Variants in STAM2 observed in about 807,000 individuals in gnomAD.
STAM2 encodes the protein signal transducing adapter molecule 2.
In STAM2, 51 loss-of-function variants were observed where a neutral mutation model predicts 65.6. The ratio of observed to expected loss-of-function variants is 0.78; its 90% CI spans 0.62 to 0.98. The LOEUF (loss-of-function observed/expected upper bound fraction) is 0.98, where lower values mean the gene tolerates loss of function less well. STAM2 is among the 50% of genes least tolerant of loss of function. STAM2 has a pLI of 0.00. For synonymous variants in STAM2, 198 were observed against 208.4 expected (o/e 0.95, Z 0.43); for missense variants, 584 against 617.8 (o/e 0.95, Z 0.58).
At chr2:152,149,206 A>T (rs1336454608) in intron 2 of STAM2, among the ~76,000 whole-genome samples, 1 of 152,200 alleles carries the variant, frequency 6.6e-6, no homozygotes, top group African/African-American at 2.4e-5. Flanking sequence ...CCATACATAT[A>T]GAAGTCCCAG....
At chr2:152,146,196 G>A (rs568429977) in intron 5 of STAM2, among the ~76,000 whole-genome samples, 6 of 150,574 alleles carry the variant, frequency 4.0e-5, no homozygotes, top group African/African-American at 9.8e-5. Flanking sequence ...GCTTAAACCC[G>A]GGAGACAGAG....
intron 7 of STAM2, 59 bp from the exon 8 acceptor site, chr2:152,135,662 G>T: frequency 8.8e-7 from 1 of 1,141,214 alleles, no homozygotes; most frequent in Non-Finnish European, 1.3e-6. Context: ...AATAAGCAAA[G>T]ATGAATTAAA....
chr2:152,152,893 G>C (rs1689472761), intron 1 of STAM2, among the ~76,000 whole-genome samples: 2 of 152,196 alleles, frequency 1.3e-5, no homozygotes, highest in African/African-American at 4.8e-5. Context: ...ACTTGAGGGG[G>C]GCTCAAAAGA....
Position 152,126,253 on chromosome 2 carries a change from TG to T in STAM2, c.1151del (p.Pro384HisfsTer29), listed in dbSNP as rs1560209760. On this transcript the variant is annotated frameshift_variant, in exon 12 of 14. Transcript: ENST00000263904. LOFTEE classifies it high-confidence loss of function. ...YSKLHPPAHY[P>X]PASSGVPMQT... Reference sequence around the variant, plus strand: ...GCATTGGAACCCCAGATGATGCAGGTGGGTAATGTGCTGGAGGGTGGAGCTT... The same window carrying T: ...GCATTGGAACCCCAGATGATGCAGGTGGTAATGTGCTGGAGGGTGGAGCTT... The T allele has an allele frequency of 6.2e-7, 1 of 1,602,158 alleles. No homozygotes were observed. The highest frequency in any genetic ancestry group is 1.1e-5 in the South Asian group (1 of 88,972).
chr2:152,173,335 CGTGT>C (rs958523681), intron 1 of STAM2, among the ~76,000 whole-genome samples: 14 of 146,050 alleles, frequency 9.6e-5, no homozygotes, highest in African/African-American at 2.0e-4. Flanking sequence ...TTTGTGTATG[CGTGT>C]GTGTCTGTGG....
rs754715220 is a variant in STAM2, at chr2:152,131,978, T to C, written c.1025+136A>G. On this transcript the variant is annotated intron_variant, in intron 11 of 13. Transcript: ENST00000263904. ...AAAGCACCACCTTGCTATAAATTTG[T>C]TAAAAGCCTGGGAAACTGAAAAACA... The C allele has an allele frequency of 1.2e-5, 7 of 603,332 alleles. No individual in the cohort carries two copies. In the Admixed American group the frequency reaches 1.3e-4, roughly 12 times the overall value. 37.4% of individuals were successfully genotyped at this position (603,332 alleles called of 1,614,324 possible).
At chr2:152,173,407 T>TA (rs1399231855) in intron 1 of STAM2, among the ~76,000 whole-genome samples, 1 of 147,670 alleles carries the variant, frequency 6.8e-6, no homozygotes, top group Non-Finnish European at 1.5e-5. Context: ...TATATATATA[T>TA]TTTTTTTCGA....
Position 152,126,256 on chromosome 2 carries a change from G to GTAATGTGC in STAM2, c.1141_1148dup (p.Tyr383Ter). The stretch of plus-strand genomic sequence containing the variant: ...TTGGAACCCCAGATGATGCAGGTGG[G>GTAATGTGC]TAATGTGCTGGAGGGTGGAGCTTTG... On this transcript the variant is annotated stop_gained and frameshift_variant, in exon 12 of 14. Transcript: ENST00000263904. LOFTEE classifies it high-confidence loss of function. 1 of 1,605,220 alleles carries GTAATGTGC rather than the reference G, an allele frequency of 6.2e-7. No homozygotes were observed. The highest frequency in any genetic ancestry group is 8.5e-7 in the Non-Finnish European group (1 of 1,175,786).
chr2:152,150,023 A>T, intron 2 of STAM2, 122 bp downstream of exon 2: 1 of 681,424 alleles, frequency 1.5e-6, no homozygotes, highest in Non-Finnish European at 2.5e-6. Context: ...TCGCAGTTTA[A>T]ATCTGTGTTG....
chr2:152,171,425 C>CTT (rs56717561), intron 1 of STAM2, among the ~76,000 whole-genome samples: 93,209 of 151,950 alleles, frequency 0.61, 30,268 homozygotes, highest in East Asian at 0.87. Context: ...AAAATTTTTA[C>CTT]TTTTACAAAG....
At chr2:152,133,620 ATATTACATACGTT>A (rs1347955741) in intron 8 of STAM2, 136 bp from the exon 9 acceptor site, 5 of 638,134 alleles carry the variant, frequency 7.8e-6, no homozygotes, top group Admixed American at 2.9e-5. Flanking sequence ...TTTATAATCA[ATATTACATACGTT>A]TATTACATAC....
chr2:152,138,569 CT>C (rs1318858306), intron 7 of STAM2, among the ~76,000 whole-genome samples: 27 of 152,082 alleles, frequency 1.8e-4, no homozygotes, highest in Non-Finnish European at 3.4e-4. Context: ...AAAAATCTGA[CT>C]TATTGAATAG....
intron 1 of STAM2, among the ~76,000 whole-genome samples, chr2:152,164,984 G>A (rs1471471371): frequency 1.3e-5 from 2 of 151,972 alleles, no homozygotes; most frequent in African/African-American, 2.4e-5. Flanking sequence ...TGAGAACCAC[G>A]TCCCCCTAAC....
chr2:152,155,610 T>C (rs1000667462), intron 1 of STAM2, among the ~76,000 whole-genome samples: 6 of 152,230 alleles, frequency 3.9e-5, no homozygotes, highest in Non-Finnish European at 5.9e-5. Context: ...ACTAACTTTA[T>C]ATACTAAGTC....
At chr2:152,169,424 G>A (rs939775339) in intron 1 of STAM2, among the ~76,000 whole-genome samples, 4 of 151,894 alleles carry the variant, frequency 2.6e-5, no homozygotes, top group Admixed American at 6.6e-5. Context: ...CTACAGGTGC[G>A]CGCCACCATG....
chr2:152,133,541 T>C (rs1013067044), intron 8 of STAM2, 57 bp from the exon 9 acceptor site: 14 of 1,388,290 alleles, frequency 1.0e-5, no homozygotes, highest in African/African-American at 5.8e-5. Context: ...ATTTTAGTCA[T>C]TAATTTATAA....
At chr2:152,168,220 G>A (rs1427852514) in intron 1 of STAM2, among the ~76,000 whole-genome samples, 2 of 151,848 alleles carry the variant, frequency 1.3e-5, no homozygotes, top group African/African-American at 4.8e-5. Flanking sequence ...GAGTGCAGTG[G>A]CGCGATCTTG....
intron 12 of STAM2, among the ~76,000 whole-genome samples, chr2:152,125,302 T>C (rs946183944): frequency 2.6e-5 from 4 of 152,206 alleles, no homozygotes; most frequent in Admixed American, 6.5e-5. Flanking sequence ...GATAAATGTA[T>C]CTTGTCTGAC....
chr2:152,140,402 T>C (rs1411763205), intron 7 of STAM2, among the ~76,000 whole-genome samples: 2 of 152,230 alleles, frequency 1.3e-5, no homozygotes, highest in African/African-American at 4.8e-5. Context: ...GGTCTCAAAG[T>C]ACATAAAAAC....
Sources: allele counts gnomAD v4.1 joint callset (sites outside exome capture counted in the v4.1 genomes callset), GRCh38; gene constraint gnomAD v4.1.1; transcripts MANE v1.5; gene names NCBI Gene and HGNC (gene_info 2026-07-23, HGNC 2026-07-21).